The following SOX6 variants were observed in gnomAD, a reference collection of about 807,000 sequenced individuals.
SOX6 encodes the protein transcription factor SOX-6.
In SOX6, 11 loss-of-function variants were observed where a neutral mutation model predicts 97.8. That is an observed-to-expected ratio of 0.11 (90% CI 0.07 to 0.19). The LOEUF is 0.19. Among genes scored for constraint, SOX6 ranks in the 10% least tolerant of loss-of-function variants. The probability of loss-of-function intolerance (pLI) is 1.00; values close to 1 mark genes in which losing one functional copy is unlikely to be tolerated. For missense variants in SOX6, 810 were observed against 1,039.5 expected (o/e 0.78, Z 3.04); for synonymous variants, 360 against 371.4 (o/e 0.97, Z 0.35).
At chr11:16,078,824 G>A (rs1414978806) in intron 9 of SOX6, among the ~76,000 whole-genome samples, 1 of 152,016 alleles carries the variant, frequency 6.6e-6, no homozygotes. Flanking sequence ...CATTATATGA[G>A]GACAGCATCC....
intron 3 of SOX6, among the ~76,000 whole-genome samples, chr11:16,265,791 C>A (rs1359401958): frequency 6.6e-6 from 1 of 151,446 alleles, no homozygotes; most frequent in Non-Finnish European, 1.5e-5. Context: ...AGCTAAAAAC[C>A]AAAATGTCTG....
chr11:16,020,274 A>G (rs1432072904), intron 12 of SOX6, among the ~76,000 whole-genome samples: 1 of 151,978 alleles, frequency 6.6e-6, no homozygotes, highest in Non-Finnish European at 1.5e-5. Flanking sequence ...CCCTCCTGCC[A>G]TCACTAACTA....
intron 1 of SOX6, among the ~76,000 whole-genome samples, chr11:16,399,292 T>G (rs1422936472): frequency 6.6e-6 from 1 of 151,404 alleles, no homozygotes; most frequent in African/African-American, 2.4e-5. Flanking sequence ...TAAAAGATTA[T>G]AATTAACATC....
At chr11:16,703,513 T>G (rs890818269) in intron 3 of SOX6, among the ~76,000 whole-genome samples, 2 of 152,112 alleles carry the variant, frequency 1.3e-5, no homozygotes, top group African/African-American at 4.8e-5. Flanking sequence ...ACAAAGACAG[T>G]TTTTGCTTTT....
chr11:16,087,372 C>T (rs1002876064), intron 9 of SOX6, among the ~76,000 whole-genome samples: 4 of 152,068 alleles, frequency 2.6e-5, no homozygotes, highest in Non-Finnish European at 4.4e-5. Context: ...AGAATGATTT[C>T]ATTCATCCTA....
At chr11:16,478,658 A>T (rs533172270), upstream of SOX6, among the ~76,000 whole-genome samples, 2 of 152,352 alleles carry the variant, frequency 1.3e-5, no homozygotes, top group South Asian at 4.1e-4. Context: ...ATATAATTTT[A>T]AAAATGACTT....
intron 4 of SOX6, among the ~76,000 whole-genome samples, chr11:16,216,466 G>C (rs1852374572): frequency 6.6e-6 from 1 of 151,962 alleles, no homozygotes. Flanking sequence ...GCTTTTCTTA[G>C]TGTCAACCAC....
rs948405562 is a variant in SOX6, at chr11:16,483,697, G to A, written n.610-7309C>T. On this transcript the variant is annotated intron_variant and non_coding_transcript_variant, in intron 4 of 5. Coordinates refer to the SOX6 transcript ENST00000524520. ...GAAAAAAATGAGGCAGGAAACACAG[G>A]TATAGGTCACTTAGGGACAAGCAGG... Among the ~76,000 whole-genome samples, 2 of 152,148 alleles carry A rather than the reference G, an allele frequency of 1.3e-5. 1 individual carries two copies. Among genetic ancestry groups the A allele is most frequent in the South Asian group, 4.1e-4 (2 of 4,826 alleles).
chr11:15,992,069 G>A (rs1184142518), intron 13 of SOX6, among the ~76,000 whole-genome samples: 1 of 152,300 alleles, frequency 6.6e-6, no homozygotes, highest in Non-Finnish European at 1.5e-5. Flanking sequence ...CACATGTAAT[G>A]CTTCCAGAAG....
intron 1 of SOX6, among the ~76,000 whole-genome samples, chr11:16,419,427 C>T (rs551570295): frequency 4.0e-5 from 6 of 151,800 alleles, no homozygotes; most frequent in African/African-American, 1.2e-4. Context: ...TATTTTATTA[C>T]AATTAAATGA....
intron 2 of SOX6, among the ~76,000 whole-genome samples, chr11:16,728,709 A>G (rs893961159): frequency 1.3e-5 from 2 of 152,216 alleles, no homozygotes; most frequent in Non-Finnish European, 2.9e-5. Context: ...CAGCATGGGA[A>G]CAAACCTGGA....
chr11:15,981,092 C>T (rs916295142), intron 15 of SOX6, among the ~76,000 whole-genome samples: 1 of 152,038 alleles, frequency 6.6e-6, no homozygotes, highest in Non-Finnish European at 1.5e-5. Flanking sequence ...CCAGCAGGTT[C>T]AAGCTTTGTC....
At chr11:16,047,850 A>G (rs1156677425) in intron 11 of SOX6, among the ~76,000 whole-genome samples, 1 of 151,964 alleles carries the variant, frequency 6.6e-6, no homozygotes, top group South Asian at 2.1e-4. Flanking sequence ...GTTTGGAAAA[A>G]ATTCCCAAGC....
chr11:16,382,509 TA>T (rs1857854286), intron 1 of SOX6: 1 of 152,014 alleles, frequency 6.6e-6, no homozygotes, highest in African/African-American at 2.4e-5. Context: ...AGCAAATTAA[TA>T]AGGAGTGCTC....
At chr11:16,062,718 T>G (rs1847988871) in intron 9 of SOX6, among the ~76,000 whole-genome samples, 1 of 151,788 alleles carries the variant, frequency 6.6e-6, no homozygotes, top group South Asian at 2.1e-4. Context: ...ATTATAAAAT[T>G]ACTTATTTTA....
chr11:16,538,537 TAA>T (rs1236366992), intron 4 of SOX6, among the ~76,000 whole-genome samples: 1 of 152,034 alleles, frequency 6.6e-6, no homozygotes, highest in East Asian at 1.9e-4. Flanking sequence ...GCAAACTGGA[TAA>T]AGAGTCAAGA....
chr11:16,046,012 T>C (rs1255617636), intron 12 of SOX6, among the ~76,000 whole-genome samples: 1 of 152,206 alleles, frequency 6.6e-6, no homozygotes. Context: ...ACAGAGTCCA[T>C]CATAGAATAA....
intron 2 of SOX6, among the ~76,000 whole-genome samples, chr11:16,730,990 A>C (rs1848345132): frequency 6.6e-6 from 1 of 152,216 alleles, no homozygotes; most frequent in East Asian, 1.9e-4. Context: ...ATAAACTAGA[A>C]AATCTAGAAG....
intron 3 of SOX6, among the ~76,000 whole-genome samples, chr11:16,675,767 A>G (rs932967702): frequency 4.6e-5 from 7 of 152,208 alleles, no homozygotes; most frequent in Non-Finnish European, 1.0e-4. Context: ...ATGTCATCCC[A>G]TTGCTCTCTG....
Sources: gnomAD v4.1 joint callset for allele counts (sites outside exome capture counted in the v4.1 genomes callset) on GRCh38, gnomAD v4.1.1 for gene constraint, MANE v1.5 for transcripts, NCBI Gene and HGNC (gene_info 2026-07-23, HGNC 2026-07-21) for gene names.